Variants in TENT5D observed in about 807,000 individuals in gnomAD.
TENT5D encodes the protein cancer/testis antigen 112.
For synonymous variants in TENT5D, 103 were observed against 100.6 expected (o/e 1.02, Z -0.15); for missense variants, 191 against 287.0 (o/e 0.67, Z 2.42).
chrX:80,347,083 G>A (rs1475471161), intron 3 of TENT5D, among the ~76,000 whole-genome samples: 1 of 111,648 alleles, frequency 9.0e-6, no homozygotes, highest in Non-Finnish European at 1.9e-5. Flanking sequence ...ATCATTGATG[G>A]GCATTTGGGT....
chrX:80,431,271 G>A (rs1283341895), intron 1 of TENT5D, among the ~76,000 whole-genome samples: 1 of 110,870 alleles, frequency 9.0e-6, no homozygotes, highest in Non-Finnish European at 1.9e-5. Flanking sequence ...TAGGGTATGG[G>A]GCCTGATCAC....
intron 3 of TENT5D, among the ~76,000 whole-genome samples, chrX:80,409,244 G>T (rs1298852567): frequency 9.0e-6 from 1 of 111,022 alleles, no homozygotes; most frequent in Non-Finnish European, 1.9e-5. Context: ...GGAAGTTCTG[G>T]CCAGGGCAAT....
At chrX:80,440,483 T>C (rs1437460078) in intron 2 of TENT5D, among the ~76,000 whole-genome samples, 1 of 110,784 alleles carries the variant, frequency 9.0e-6, no homozygotes, top group African/African-American at 3.3e-5. Context: ...GTTAAGTCTC[T>C]GGATGGTTTT....
At chrX:80,347,319 C>A (rs1256828088) in intron 3 of TENT5D, among the ~76,000 whole-genome samples, 1 of 112,070 alleles carries the variant, frequency 8.9e-6, no homozygotes. Context: ...TCCTATTTCT[C>A]CACATCCTTA....
chrX:80,382,929 C>T (rs759075025), intron 3 of TENT5D, among the ~76,000 whole-genome samples: 7 of 112,147 alleles, frequency 6.2e-5, no homozygotes, highest in Non-Finnish European at 1.3e-4. Flanking sequence ...AAAGGGAAAT[C>T]CCCCGACCCC....
chrX:80,376,957 A>G (rs754336880), intron 3 of TENT5D, among the ~76,000 whole-genome samples: 64 of 111,426 alleles, frequency 5.7e-4, no homozygotes, highest in Non-Finnish European at 1.0e-3. Context: ...CAGGGAGAGG[A>G]CACTATCAGT....
chrX:80,434,010 G>A lies in TENT5D; in HGVS notation c.-141-4600G>A, dbSNP rs371859362. On this transcript the variant is annotated intron_variant, in intron 1 of 2. Transcript: ENST00000308293. ...AAATTAGCCAGGCGTGGTGGCAGGC[G>A]CCTGTAATCCCAGCTACCCAGGAGG... 7.3e-5 allele frequency among the ~76,000 whole-genome samples: 8 copies of A among 109,428 alleles called. No individual in the cohort carries two copies. The East Asian group carries it at 1.4e-3, about 20-fold the overall frequency.
intron 3 of TENT5D, among the ~76,000 whole-genome samples, chrX:80,397,825 A>T (rs1218066158): frequency 8.9e-6 from 1 of 112,131 alleles, no homozygotes; most frequent in African/African-American, 3.2e-5. Context: ...GGCACTCGGC[A>T]GGCTGAGGCA....
intron 3 of TENT5D, among the ~76,000 whole-genome samples, chrX:80,342,941 A>G (rs1274742751): frequency 2.0e-5 from 2 of 98,916 alleles, no homozygotes; most frequent in African/African-American, 7.5e-5. Flanking sequence ...TTATTAGTCT[A>G]TCTTTATTTT....
intron 1 of TENT5D, among the ~76,000 whole-genome samples, chrX:80,429,600 G>C (rs1932047181): frequency 9.0e-6 from 1 of 110,989 alleles, no homozygotes. Flanking sequence ...ACTGCACCCA[G>C]CCAGGACTCT....
At chrX:80,362,235 C>G (rs939634630) in intron 3 of TENT5D, among the ~76,000 whole-genome samples, 1 of 110,987 alleles carries the variant, frequency 9.0e-6, no homozygotes, top group Non-Finnish European at 1.9e-5. Flanking sequence ...GCCATCTCAG[C>G]CCACTCCAAG....
upstream of TENT5D, among the ~76,000 whole-genome samples, chrX:80,417,319 T>C (rs976007271): frequency 8.1e-5 from 9 of 111,687 alleles, no homozygotes; most frequent in African/African-American, 2.9e-4. Flanking sequence ...AATATTGATA[T>C]GTGCAGATTT....
intron 3 of TENT5D, among the ~76,000 whole-genome samples, chrX:80,361,353 C>T (rs190013669): frequency 2.1e-4 from 23 of 111,858 alleles, no homozygotes; most frequent in African/African-American, 6.2e-4. Context: ...AGACTTAACC[C>T]GATATTTCCC....
exon 3 of TENT5D, chrX:80,443,282 A>G: frequency 8.3e-7 from 1 of 1,211,369 alleles, no homozygotes; most frequent in Non-Finnish European, 1.1e-6. Flanking sequence ...CATGGCTTCA[A>G]GCCAGCCTGT....
intron 3 of TENT5D, among the ~76,000 whole-genome samples, chrX:80,380,381 A>G (rs186577230): frequency 9.0e-6 from 1 of 110,903 alleles, no homozygotes; most frequent in African/African-American, 3.3e-5. Flanking sequence ...GCTTCCAACT[A>G]TGTGGTCAGT....
At chrX:80,444,502 G>A (rs745918889) in exon 3 of TENT5D, 1 of 122,389 alleles carries the variant, frequency 8.2e-6, no homozygotes, top group South Asian at 3.8e-4. Flanking sequence ...GACCAGCTCT[G>A]AATGTGAAAG....
chrX:80,415,526 T>C (rs939239051), upstream of TENT5D, among the ~76,000 whole-genome samples: 1 of 112,144 alleles, frequency 8.9e-6, no homozygotes, highest in African/African-American at 3.2e-5. Flanking sequence ...TTAAATTTTA[T>C]CAAAAGCCTT....
At chrX:80,379,302 T>C (rs909354869) in intron 3 of TENT5D, among the ~76,000 whole-genome samples, 5 of 109,817 alleles carry the variant, frequency 4.6e-5, no homozygotes, top group African/African-American at 1.7e-4. Context: ...TTAAGCCAAC[T>C]TGATCTTGGT....
chrX:80,387,804 G>A (rs183834163), intron 3 of TENT5D, among the ~76,000 whole-genome samples: 12 of 111,694 alleles, frequency 1.1e-4, no homozygotes, highest in Admixed American at 6.7e-4. Flanking sequence ...CGAAGCTGGC[G>A]AGGCTTCTGT....
Sources: gnomAD v4.1 joint callset for allele counts (sites outside exome capture counted in the v4.1 genomes callset) on GRCh38, gnomAD v4.1.1 for gene constraint, MANE v1.5 for transcripts, NCBI Gene and HGNC (gene_info 2026-07-23, HGNC 2026-07-21) for gene names.